Variants in EIF3E observed in about 807,000 individuals in gnomAD.
EIF3E encodes eukaryotic translation initiation factor 3 subunit E, also known as eIF-3 p48.
EIF3E carries 25 observed loss-of-function variants against 59.3 expected under a neutral mutation model. The observed-to-expected ratio is 0.42, with a 90% CI of 0.31 to 0.59. The LOEUF (loss-of-function observed/expected upper bound fraction) is 0.59. Ranked by LOEUF, EIF3E falls within the 20% of genes least tolerant of loss-of-function variation. The pLI, the probability that EIF3E is intolerant of heterozygous loss-of-function variation, is 0.15. For synonymous variants in EIF3E, 176 were observed against 170.2 expected, an observed-to-expected ratio of 1.03 and a Z score of -0.26; for missense variants, 317 against 534.3, an observed-to-expected ratio of 0.59 and a Z score of 4.01.
intron 10 of EIF3E, among the ~76,000 whole-genome samples, chr8:108,211,106 A>G (rs949757318): frequency 1.3e-5 from 2 of 152,196 alleles, no homozygotes; most frequent in Admixed American, 1.3e-4. Context: ...CTTTGGGTAT[A>G]TGTCCAGTAA....
chr8:108,219,368 G>C (rs1689750710), intron 7 of EIF3E, among the ~76,000 whole-genome samples: 1 of 151,986 alleles, frequency 6.6e-6, no homozygotes, highest in Non-Finnish European at 1.5e-5. Context: ...GTGGGCAAGA[G>C]GCAAATTCAG....
chr8:108,233,836 C>CA lies in EIF3E; in HGVS notation c.471+1161dup, dbSNP rs35065360. On this transcript the variant is annotated intron_variant, in intron 5 of 12. Coordinates refer to ENST00000220849, the MANE Select transcript of EIF3E (RefSeq NM_001568.3). ...CCTGGGTGAGAGCAAGACCCTGTCT[C>CA]AAAAAAAAAAAAAAAAAAAAAAAAA... Among the ~76,000 whole-genome samples, 111 of 74,016 alleles carry CA rather than the reference C, an allele frequency of 1.5e-3. 4 individuals are homozygous for CA. The South Asian group carries it at 0.016, about 11-fold the overall frequency. The allele number at this position is 74,016 out of a possible 152,430, so 48.6% of individuals were successfully genotyped here. A position where few individuals can be genotyped will look rare whatever the true frequency, so the allele number is the denominator to read the frequency against.
At chr8:108,239,678 T>C (rs1815800321) in intron 3 of EIF3E, among the ~76,000 whole-genome samples, 2 of 152,246 alleles carry the variant, frequency 1.3e-5, no homozygotes, top group South Asian at 2.1e-4. Flanking sequence ...CATTGCCAAA[T>C]GTCCCCAGGA....
Position 108,248,651 on chromosome 8 carries a change from G to C in EIF3E, c.52C>G (p.Leu18Val), listed in dbSNP as rs201452382. ...TRIAHFLDRHLVFPLLEFLSV... is the reference protein window; with the variant it reads ...TRIAHFLDRHVVFPLLEFLSV... Reference sequence around the variant, plus strand: ...AGAAATTCAAGAAGCGGAAAGACTAGATGCCGATCCAAAAAGTGCGCGATG... The same window carrying C: ...AGAAATTCAAGAAGCGGAAAGACTACATGCCGATCCAAAAAGTGCGCGATG... Residue 18 changes from leucine to valine, a missense_variant, in exon 1 of 13, where the codon CTA becomes GTA. Leu to Val is a conservative substitution (Grantham distance 32). Around this residue, in one of 4 missense-constraint regions of EIF3E, gnomAD observed 242 missense variants for 398.0 expected, o/e 0.61. Transcript: ENST00000220849. 6.2e-7 allele frequency: 1 copy of C among 1,614,162 alleles called. No homozygotes were observed. The highest frequency in any genetic ancestry group is 1.3e-5 in the African/African-American group (1 of 75,024).
intron 3 of EIF3E, 52 bp downstream of exon 3, chr8:108,239,906 G>A: frequency 3.7e-6 from 5 of 1,352,254 alleles, no homozygotes; most frequent in Non-Finnish European, 5.3e-6. Context: ...ATTAACATTT[G>A]TATTAATCCA....
chr8:108,246,094 T>C (rs1288967853), intron 1 of EIF3E, among the ~76,000 whole-genome samples: 2 of 152,122 alleles, frequency 1.3e-5, no homozygotes, highest in South Asian at 2.1e-4. Context: ...GCATATACAG[T>C]GTGGATACAT....
intron 5 of EIF3E, chr8:108,231,811 A>G (rs1563634571): frequency 6.6e-6 from 1 of 152,062 alleles, no homozygotes; most frequent in African/African-American, 2.4e-5. Flanking sequence ...GTGTACCTGA[A>G]CAATTCTCAA....
At chr8:108,224,720 C>T (rs187523432) in intron 7 of EIF3E, among the ~76,000 whole-genome samples, 1 of 151,448 alleles carries the variant, frequency 6.6e-6, no homozygotes, top group African/African-American at 2.5e-5. Flanking sequence ...ATGGTTCTTA[C>T]TGGGGCAATA....
Position 108,229,930 on chromosome 8 carries a change from C to T in EIF3E, c.472-735G>A, listed in dbSNP as rs570796123. Among the ~76,000 whole-genome samples, 11 of 152,254 alleles carry T rather than the reference C, an allele frequency of 7.2e-5. 1 individual carries two copies. Among genetic ancestry groups the T allele is most frequent in the African/African-American group, 2.6e-4 (11 of 41,556 alleles). Reference sequence around the variant, plus strand: ...AGAGGGGACTAAGGGCCATCCCTACCTCTTCTATCCGCTGGTAAAAGAGTC... The same window carrying T: ...AGAGGGGACTAAGGGCCATCCCTACTTCTTCTATCCGCTGGTAAAAGAGTC... On this transcript the variant is annotated intron_variant, in intron 5 of 12. Coordinates refer to ENST00000220849, the MANE Select transcript of EIF3E (RefSeq NM_001568.3).
chr8:108,229,927 T>C (rs996237213), intron 5 of EIF3E, among the ~76,000 whole-genome samples: 1 of 152,180 alleles, frequency 6.6e-6, no homozygotes, highest in South Asian at 2.1e-4. Flanking sequence ...GGGCCATCCC[T>C]ACCTCTTCTA....
At chr8:108,206,588 A>ATG (rs140964651) in intron 10 of EIF3E, among the ~76,000 whole-genome samples, 31 of 144,932 alleles carry the variant, frequency 2.1e-4, no homozygotes, top group African/African-American at 4.6e-4. Context: ...TTCTGTGCAC[A>ATG]TGTGCACACA....
chr8:108,206,510 C>T (rs1245779031), intron 10 of EIF3E, among the ~76,000 whole-genome samples: 4 of 151,950 alleles, frequency 2.6e-5, no homozygotes, highest in African/African-American at 4.8e-5. Flanking sequence ...GTGGCTCATA[C>T]CTATAATTCC....
chr8:108,225,439 C>A (rs571267470), intron 7 of EIF3E, among the ~76,000 whole-genome samples: 2 of 151,358 alleles, frequency 1.3e-5, no homozygotes, highest in Admixed American at 1.3e-4. Flanking sequence ...GTAAGTATTT[C>A]CCAAACAACC....
At chr8:108,243,242 C>T (rs897562690) in intron 1 of EIF3E, 4 of 152,132 alleles carry the variant, frequency 2.6e-5, no homozygotes, top group African/African-American at 7.2e-5. Flanking sequence ...CTTAACTCCA[C>T]CTATATAAAA....
At chr8:108,236,475 A>T (rs1212409943) in intron 3 of EIF3E, among the ~76,000 whole-genome samples, 1 of 152,230 alleles carries the variant, frequency 6.6e-6, no homozygotes, top group African/African-American at 2.4e-5. Context: ...GGCCTTTAAC[A>T]GTTTGTCAGA....
intron 12 of EIF3E, 72 bp downstream of exon 12, chr8:108,202,911 C>T (rs1354509914): frequency 6.8e-7 from 1 of 1,479,240 alleles, no homozygotes; most frequent in African/African-American, 1.4e-5. Flanking sequence ...CTCATCAATA[C>T]ACTTTGAAAC....
At chr8:108,248,521 G>GT (rs1815993564) in intron 1 of EIF3E, 92 bp downstream of exon 1, 3 of 1,266,670 alleles carry the variant, frequency 2.4e-6, no homozygotes, top group Non-Finnish European at 3.3e-6. Context: ...CGCCTCGCAC[G>GT]TGTCAGGCCT....
intron 10 of EIF3E, among the ~76,000 whole-genome samples, chr8:108,212,857 A>G (rs940051072): frequency 9.6e-5 from 14 of 145,638 alleles, no homozygotes; most frequent in African/African-American, 2.7e-4. Flanking sequence ...TGTACTCTTA[A>G]TCATCTTAGT....
intron 5 of EIF3E, among the ~76,000 whole-genome samples, chr8:108,229,774 TA>T (rs1815586925): frequency 6.6e-6 from 1 of 152,132 alleles, no homozygotes; most frequent in Non-Finnish European, 1.5e-5. Flanking sequence ...CCTGTAATCC[TA>T]ACAAAAACCC....
Sources: allele counts gnomAD v4.1 joint callset (sites outside exome capture counted in the v4.1 genomes callset), GRCh38; gene constraint gnomAD v4.1.1; regional missense constraint gnomAD v4.1.1; transcripts MANE v1.5; gene names NCBI Gene and HGNC (gene_info 2026-07-23, HGNC 2026-07-21).